Variants in WWOX observed in about 807,000 individuals in gnomAD.
The protein encoded by WWOX is WW domain containing oxidoreductase.
Under a neutral mutation model 46.2 loss-of-function variants are expected in WWOX, and 69 were observed. The observed-to-expected ratio is 1.49, with a 90% CI of 1.23 to 1.82. The LOEUF is 1.82. Ranked by LOEUF, WWOX falls within the 40% of genes most tolerant of loss-of-function variation. The pLI, the probability that WWOX is intolerant of heterozygous loss-of-function variation, is 0.00. For synonymous variants in WWOX, 359 were observed against 202.6 expected (o/e 1.77, Z -6.56); for missense variants, 919 against 542.6 (o/e 1.69, Z -6.89).
rs147849956 is a variant in WWOX at position 79,147,098 on chromosome 16, A to C, written c.1057-64510A>C. On this transcript the variant is annotated intron_variant, in intron 8 of 8. Transcript: ENST00000566780. ...AGATTTCTCATTTTACCTGTACTCA[A>C]GTGTGTATATGTGTGTCTGTGTCTA... 2.1e-3 allele frequency among the ~76,000 whole-genome samples: 318 copies of C among 152,292 alleles called. 5 individuals carry two copies. Among genetic ancestry groups the C allele is most frequent in the African/African-American group, 7.4e-3 (309 of 41,554 alleles).
intron 5 of WWOX, among the ~76,000 whole-genome samples, chr16:78,306,944 C>T (rs889194926): frequency 2.6e-5 from 4 of 152,276 alleles, no homozygotes; most frequent in Admixed American, 6.5e-5. Context: ...GACAGGTTTC[C>T]AGTATTATCT....
intron 8 of WWOX, among the ~76,000 whole-genome samples, chr16:78,823,827 G>A (rs1044387652): frequency 6.6e-6 from 1 of 151,452 alleles, no homozygotes; most frequent in Non-Finnish European, 1.5e-5. Flanking sequence ...CCGAGCTAGA[G>A]TACAATGGTA....
chr16:79,080,030 C>T (rs190161774), intron 8 of WWOX, among the ~76,000 whole-genome samples: 2 of 152,290 alleles, frequency 1.3e-5, no homozygotes, highest in East Asian at 1.9e-4. Context: ...CTGCTTTAGG[C>T]ACTGGGAATA....
chr16:78,204,846 T>G (rs966189845), intron 5 of WWOX, among the ~76,000 whole-genome samples: 3 of 152,242 alleles, frequency 2.0e-5, no homozygotes, highest in Non-Finnish European at 4.4e-5. Context: ...CTGTTGATTT[T>G]TATGTCTTAC....
chr16:78,342,799 A>G (rs12597164), intron 5 of WWOX, among the ~76,000 whole-genome samples: 27,327 of 119,576 alleles, frequency 0.23, 8,790 homozygotes, highest in African/African-American at 0.38. Flanking sequence ...CCATTCCACT[A>G]TCATTCTGCC....
At chr16:78,403,672 C>T (rs1054138659) in intron 6 of WWOX, among the ~76,000 whole-genome samples, 6 of 152,142 alleles carry the variant, frequency 3.9e-5, no homozygotes, top group Admixed American at 3.9e-4. Context: ...TGTGCCAGGC[C>T]CTGGATGAGG....
At chr16:78,359,409 C>T (rs2081363603) in intron 5 of WWOX, among the ~76,000 whole-genome samples, 1 of 152,170 alleles carries the variant, frequency 6.6e-6, no homozygotes, top group African/African-American at 2.4e-5. Context: ...CTTATTAACA[C>T]ACTAATCATG....
At chr16:79,149,913 C>G (rs546828917) in intron 8 of WWOX, among the ~76,000 whole-genome samples, 5 of 152,182 alleles carry the variant, frequency 3.3e-5, no homozygotes, top group African/African-American at 9.6e-5. Flanking sequence ...ATCCATCAAC[C>G]CACCCATCCA....
intron 5 of WWOX, among the ~76,000 whole-genome samples, chr16:78,318,865 C>G (rs1219385278): frequency 6.6e-6 from 1 of 152,144 alleles, no homozygotes; most frequent in African/African-American, 2.4e-5. Flanking sequence ...GGAAACATGC[C>G]TGGGTACAAT....
At chr16:78,214,086 C>T (rs907119287) in intron 5 of WWOX, among the ~76,000 whole-genome samples, 2 of 152,150 alleles carry the variant, frequency 1.3e-5, no homozygotes, top group Non-Finnish European at 2.9e-5. Context: ...CCCCTGCTGC[C>T]CATGCCCTGC....
At chr16:79,091,938 GC>G (rs2048970446) in intron 8 of WWOX, among the ~76,000 whole-genome samples, 1 of 151,732 alleles carries the variant, frequency 6.6e-6, no homozygotes, top group African/African-American at 2.4e-5. Context: ...ATGCCACCAC[GC>G]CCAGCTAATT....
At chr16:78,362,706 T>C (rs1484813590) in intron 5 of WWOX, among the ~76,000 whole-genome samples, 2 of 151,948 alleles carry the variant, frequency 1.3e-5, no homozygotes, top group Non-Finnish European at 1.5e-5. Context: ...GCTTGGAGGG[T>C]TTCCAGGAAA....
chr16:78,909,028 G>A (rs1218096659), intron 8 of WWOX, among the ~76,000 whole-genome samples: 2 of 152,190 alleles, frequency 1.3e-5, no homozygotes, highest in Admixed American at 6.5e-5. Flanking sequence ...GGAAAGGGCT[G>A]TTATCATCTT....
intron 8 of WWOX, among the ~76,000 whole-genome samples, chr16:79,027,974 C>T (rs557406051): frequency 9.9e-5 from 15 of 151,596 alleles, no homozygotes; most frequent in Non-Finnish European, 1.5e-4. Flanking sequence ...GTTTTTGAGA[C>T]GGAGTGTCGC....
chr16:78,682,227 A>G (rs1257896663), intron 8 of WWOX, among the ~76,000 whole-genome samples: 1 of 152,188 alleles, frequency 6.6e-6, no homozygotes, highest in Non-Finnish European at 1.5e-5. Context: ...GGCCTAACCC[A>G]CTATGCCACT....
At chr16:79,148,242 A>ATT (rs2050215619) in intron 8 of WWOX, among the ~76,000 whole-genome samples, 1 of 152,136 alleles carries the variant, frequency 6.6e-6, no homozygotes, top group Non-Finnish European at 1.5e-5. Flanking sequence ...TTTTGAGTTA[A>ATT]TTTTTGTATA....
chr16:78,760,535 T>C (rs1048048979), intron 8 of WWOX, among the ~76,000 whole-genome samples: 3 of 152,170 alleles, frequency 2.0e-5, no homozygotes, highest in African/African-American at 7.2e-5. Flanking sequence ...AAACCTAAGC[T>C]TATTCCCAAT....
intron 1 of WWOX, among the ~76,000 whole-genome samples, chr16:78,102,059 C>T (rs1342775043): frequency 6.6e-6 from 1 of 152,096 alleles, no homozygotes; most frequent in Non-Finnish European, 1.5e-5. Context: ...TACCCGGGAC[C>T]ACAGGTGTGT....
rs563127818 is a variant in WWOX at position 78,199,696 on chromosome 16, G to A, written c.516+35407G>A. Among the ~76,000 whole-genome samples, 5 of 152,156 alleles carry A rather than the reference G, an allele frequency of 3.3e-5. No individual in the cohort carries two copies. The East Asian group carries it at 7.7e-4, about 24-fold the overall frequency. ...GTAGATGATCTTCTTTTATTCAGACGTCTGTGTCACATATACATGACATCC... is the reference window on the plus strand; with the variant it reads ...GTAGATGATCTTCTTTTATTCAGACATCTGTGTCACATATACATGACATCC... On this transcript the variant is annotated intron_variant, in intron 5 of 8. Transcript: ENST00000566780.
Sources: gnomAD v4.1 joint callset for allele counts (sites outside exome capture counted in the v4.1 genomes callset) on GRCh38, gnomAD v4.1.1 for gene constraint, MANE v1.5 for transcripts, NCBI Gene and HGNC (gene_info 2026-07-23, HGNC 2026-07-21) for gene names.